VPS45: variants seen among roughly 807,000 people sequenced by gnomAD.
The protein encoded by VPS45 is vacuolar protein sorting 45 homolog.
VPS45 carries 35 observed loss-of-function variants against 75.9 expected under a neutral mutation model. The ratio of observed to expected loss-of-function variants is 0.46; its 90% confidence interval spans 0.35 to 0.61. The LOEUF (loss-of-function observed/expected upper bound fraction) is 0.61, where lower values mean the gene tolerates loss of function less well. Among genes scored for constraint, VPS45 ranks in the 20% least tolerant of loss-of-function variants. The pLI, the probability that VPS45 is intolerant of heterozygous loss-of-function variation, is 0.00. For synonymous variants in VPS45, 220 were observed against 238.2 expected (o/e 0.92, Z 0.70); for missense variants, 559 against 685.9 (o/e 0.81, Z 2.07).
At chr1:150,073,769 G>T (rs587752743) in intron 3 of VPS45, among the ~76,000 whole-genome samples, 1 of 152,086 alleles carries the variant, frequency 6.6e-6, no homozygotes, top group Admixed American at 6.6e-5. Context: ...ATACAGTCAG[G>T]ATACACAACA....
At chr1:150,080,662 G>A (rs183245600) in intron 7 of VPS45, among the ~76,000 whole-genome samples, 67 of 152,212 alleles carry the variant, frequency 4.4e-4, no homozygotes, top group Non-Finnish European at 7.9e-4. Context: ...TTGTCTAACA[G>A]ACCTATGACT....
chr1:150,140,430 T>TGTGTGTGTGTGTGTGTG (rs1659337565), intron 14 of VPS45, among the ~76,000 whole-genome samples: 1 of 151,246 alleles, frequency 6.6e-6, no homozygotes, highest in African/African-American at 2.4e-5. Context: ...TGTGTGTGTA[T>TGTGTGTGTGTGTGTGTG]TTAAAGTGGA....
In VPS45 at chr1:150,101,605, G is replaced by A. The variant is rs782145667; in HGVS notation, c.1493+7957G>A. 1.2e-4 allele frequency among the ~76,000 whole-genome samples: 18 copies of A among 151,880 alleles called. No individual in the cohort carries two copies. The South Asian group carries it at 2.7e-3, about 23-fold the overall frequency. On this transcript the variant is annotated intron_variant, in intron 13 of 14. Transcript: ENST00000644510. ...AAAAATTAGCCAGGCCTGGTGGCGC[G>A]TGCCTGTAATCTCAGCTACTCGGGA...
At chr1:150,086,489 T>G (rs782783995) in intron 10 of VPS45, among the ~76,000 whole-genome samples, 13 of 151,548 alleles carry the variant, frequency 8.6e-5, no homozygotes, top group Admixed American at 1.3e-4. Context: ...TTTGGTTTTT[T>G]TGTGTGTGTG....
At chr1:150,091,542 A>G (rs782195150) in intron 10 of VPS45, among the ~76,000 whole-genome samples, 1 of 152,206 alleles carries the variant, frequency 6.6e-6, no homozygotes, top group Non-Finnish European at 1.5e-5. Flanking sequence ...TCTCCATTTC[A>G]CTGGTCAATC....
At chr1:150,071,058 T>G (rs587771217) in intron 2 of VPS45, among the ~76,000 whole-genome samples, 1 of 152,208 alleles carries the variant, frequency 6.6e-6, no homozygotes, top group South Asian at 2.1e-4. Context: ...ATTGCATTTT[T>G]AAATCTAAAT....
At chr1:150,081,284 A>G (rs1279066622) in intron 7 of VPS45, 58 bp from the exon 8 acceptor site, 4 of 1,504,290 alleles carry the variant, frequency 2.7e-6, no homozygotes, top group African/African-American at 1.4e-5. Context: ...GTTTTCCTGA[A>G]CGTTTACTAT....
In VPS45 at chr1:150,092,135, C is replaced by T. The variant is rs367736481; in HGVS notation, c.1263+40C>T. 71 of 1,592,942 alleles carry T rather than the reference C, an allele frequency of 4.5e-5. 1 individual carries two copies. The highest frequency in any genetic ancestry group is 5.5e-5 in the Non-Finnish European group (64 of 1,167,060). ...TATTAGCCCACCAAACAGGAACCAA[C>T]TCTGTTATTATATTCTTAGCTCTAA... is the stretch of plus-strand genomic sequence containing the variant. On this transcript the variant is annotated intron_variant, in intron 11 of 14. Transcript: ENST00000644510.
intron 14 of VPS45, among the ~76,000 whole-genome samples, chr1:150,129,962 C>T (rs1360387332): frequency 6.6e-6 from 1 of 151,908 alleles, no homozygotes; most frequent in Admixed American, 6.6e-5. Context: ...AGCAGTCCTC[C>T]CACCTCAGCC....
intron 14 of VPS45, among the ~76,000 whole-genome samples, chr1:150,126,365 C>T (rs1323444439): frequency 6.6e-6 from 1 of 152,070 alleles, no homozygotes; most frequent in Non-Finnish European, 1.5e-5. Context: ...CATCTGCCAC[C>T]ATGCCTGGCT....
upstream of VPS45, chr1:150,067,695 A>C: frequency 1.5e-6 from 1 of 674,426 alleles, no homozygotes; most frequent in Non-Finnish European, 2.6e-6. Context: ...GGTCCCCTGT[A>C]CACTCCAGCG....
Position 150,072,345 on chromosome 1 carries a change from T to G in VPS45, c.289+119T>G, listed in dbSNP as rs587675926. On this transcript the variant is annotated intron_variant, in intron 3 of 14. Coordinates refer to ENST00000644510, the MANE Select transcript of VPS45 (RefSeq NM_007259.5). ...CTGTCACTATAAAAGTCTAGTTTAT[T>G]TAATGTCCTTCCAAAGTATTAAAAA... 2.4e-5 allele frequency: 17 copies of G among 706,048 alleles called. No individual in the cohort carries two copies. The African/African-American group carries it at 3.1e-4, about 13-fold the overall frequency. 43.7% of individuals were successfully genotyped at this position (706,048 alleles called of 1,614,324 possible).
At chr1:150,127,405 C>T (rs1211548603) in intron 14 of VPS45, among the ~76,000 whole-genome samples, 1 of 151,446 alleles carries the variant, frequency 6.6e-6, no homozygotes, top group Non-Finnish European at 1.5e-5. Context: ...TGACATTGAT[C>T]TGGGTTCAAG....
At chr1:150,093,406 T>TA in intron 12 of VPS45, 121 bp from the exon 13 acceptor site, 1 of 1,112,956 alleles carries the variant, frequency 9.0e-7, no homozygotes, top group Non-Finnish European at 1.2e-6. Flanking sequence ...TTCCCACAGT[T>TA]ACGTAAATCT....
intron 14 of VPS45, among the ~76,000 whole-genome samples, chr1:150,112,518 A>C (rs1436857989): frequency 6.6e-6 from 1 of 152,218 alleles, no homozygotes; most frequent in Non-Finnish European, 1.5e-5. Context: ...GAAATATTAC[A>C]GTGAGAAATA....
At chr1:150,102,233 G>A (rs1377851167) in intron 13 of VPS45, among the ~76,000 whole-genome samples, 9 of 28,028 alleles carry the variant, frequency 3.2e-4, no homozygotes, top group Non-Finnish European at 5.8e-4. Flanking sequence ...GTGAGACTCC[G>A]TCAAAAAAAA....
chr1:150,133,388 A>G (rs1553812839), intron 14 of VPS45, among the ~76,000 whole-genome samples: 1 of 150,436 alleles, frequency 6.6e-6, no homozygotes, highest in Non-Finnish European at 1.5e-5. Flanking sequence ...CATCTCTACT[A>G]AAAAAAAATA....
chr1:150,107,999 C>A (rs72694926), intron 13 of VPS45, among the ~76,000 whole-genome samples: 16,092 of 152,020 alleles, frequency 0.11, 1,197 homozygotes, highest in Non-Finnish European at 0.17. Flanking sequence ...CTCTTTTTCT[C>A]ACTATGTCCC....
chr1:150,073,668 A>G (rs1655204278), intron 3 of VPS45, among the ~76,000 whole-genome samples: 2 of 152,146 alleles, frequency 1.3e-5, no homozygotes, highest in Admixed American at 6.5e-5. Flanking sequence ...GAATAATAAT[A>G]CAGAGATCCC....
Sources: allele counts gnomAD v4.1 joint callset (sites outside exome capture counted in the v4.1 genomes callset), GRCh38; gene constraint gnomAD v4.1.1; transcripts MANE v1.5; gene names NCBI Gene and HGNC (gene_info 2026-07-23, HGNC 2026-07-21).